TENM4: variants seen among roughly 807,000 people sequenced by gnomAD.
TENM4 encodes the protein teneurin-4.
In TENM4, 82 loss-of-function variants were observed where a neutral mutation model predicts 243.3. The ratio of observed to expected loss-of-function variants is 0.34; its 90% CI spans 0.28 to 0.40. The LOEUF (loss-of-function observed/expected upper bound fraction) is 0.40. Among genes scored for constraint, TENM4 ranks in the 10% least tolerant of loss-of-function variants. The pLI is 1.00. For missense variants in TENM4, 3,138 were observed against 3,673.3 expected (o/e 0.85, Z 3.77); for synonymous variants, 1,412 against 1,456.3 (o/e 0.97, Z 0.69).
intron 29 of TENM4, among the ~76,000 whole-genome samples, chr11:78,686,816 A>G (rs1858686946): frequency 1.3e-5 from 2 of 152,194 alleles, no homozygotes; most frequent in Admixed American, 1.3e-4. Flanking sequence ...AAGGAATTCC[A>G]GCGTGTGGTT....
chr11:78,716,892 T>C (rs1859533016), intron 25 of TENM4, among the ~76,000 whole-genome samples: 1 of 152,212 alleles, frequency 6.6e-6, no homozygotes, highest in Non-Finnish European at 1.5e-5. Flanking sequence ...CAGCAAGGCC[T>C]TAGAATACTC....
At chr11:78,893,821 C>T (rs561042465) in intron 7 of TENM4, among the ~76,000 whole-genome samples, 3 of 90,364 alleles carry the variant, frequency 3.3e-5, no homozygotes, top group African/African-American at 1.9e-4. Context: ...CTCTCTCTCT[C>T]TTTCTGATGA....
At chr11:78,794,291 C>T (rs563805015) in intron 15 of TENM4, among the ~76,000 whole-genome samples, 206 of 152,230 alleles carry the variant, frequency 1.4e-3, no homozygotes, top group African/African-American at 4.9e-3. Context: ...ATCAGAGGAA[C>T]GGGCATAGTG....
intron 4 of TENM4, among the ~76,000 whole-genome samples, chr11:79,140,047 C>T (rs964187121): frequency 1.3e-5 from 2 of 151,496 alleles, no homozygotes; most frequent in African/African-American, 4.8e-5. Flanking sequence ...ACTCTGGACA[C>T]TCCTTGTCAG....
intron 21 of TENM4, among the ~76,000 whole-genome samples, chr11:78,730,359 C>G (rs542896656): frequency 5.3e-5 from 8 of 152,302 alleles, no homozygotes; most frequent in South Asian, 2.1e-4. Flanking sequence ...TAAACAGACA[C>G]TACGAGATGT....
intron 27 of TENM4, among the ~76,000 whole-genome samples, chr11:78,707,648 C>T (rs1462929553): frequency 6.6e-6 from 1 of 152,268 alleles, no homozygotes; most frequent in Non-Finnish European, 1.5e-5. Context: ...TCTTGCCACT[C>T]AGCAAACCCC....
At chr11:79,002,409 A>C (rs990852630) in intron 6 of TENM4, among the ~76,000 whole-genome samples, 3 of 152,176 alleles carry the variant, frequency 2.0e-5, no homozygotes, top group Non-Finnish European at 4.4e-5. Context: ...CACCCATTGG[A>C]GTGTTGTGGC....
chr11:78,659,643 C>A (rs536909405), intron 33 of TENM4, among the ~76,000 whole-genome samples: 1 of 152,312 alleles, frequency 6.6e-6, no homozygotes, highest in South Asian at 2.1e-4. Context: ...TTAACCCTCC[C>A]ACCCTGCTTC....
intron 1 of TENM4, among the ~76,000 whole-genome samples, chr11:79,325,880 T>C (rs368824130): frequency 4.7e-4 from 72 of 152,288 alleles, no homozygotes; most frequent in African/African-American, 1.4e-3. Context: ...TAAGAGAGCA[T>C]GAAACACCAG....
chr11:78,995,949 G>C lies in TENM4; in HGVS notation c.493+68789C>G, dbSNP rs145492529. On this transcript the variant is annotated intron_variant, in intron 6 of 33. Coordinates refer to ENST00000278550, the MANE Select transcript of TENM4 (RefSeq NM_001098816.3). ...AAGACTCATAAGAGATCAGTGGAGT[G>C]GTTCCCATTGAGCCTAAACTGAGAT... Among the ~76,000 whole-genome samples, 906 of 152,006 alleles carry C rather than the reference G, an allele frequency of 6.0e-3. 15 individuals carry two copies. The highest frequency in any genetic ancestry group is 0.021 in the African/African-American group (864 of 41,296).
At chr11:79,129,985 C>G (rs1861968086) in intron 4 of TENM4, among the ~76,000 whole-genome samples, 1 of 152,142 alleles carries the variant, frequency 6.6e-6, no homozygotes, top group Non-Finnish European at 1.5e-5. Context: ...GAGTCCATTG[C>G]AACCCCCTGC....
chr11:78,930,889 C>T (rs188111862), intron 6 of TENM4, among the ~76,000 whole-genome samples: 27 of 152,238 alleles, frequency 1.8e-4, no homozygotes, highest in Non-Finnish European at 3.1e-4. Context: ...AGGAAGCTAT[C>T]GTTAAAAGGT....
chr11:78,704,477 T>C (rs1565340848), intron 27 of TENM4, among the ~76,000 whole-genome samples: 1 of 152,070 alleles, frequency 6.6e-6, no homozygotes, highest in Non-Finnish European at 1.5e-5. Flanking sequence ...TAAATAATAG[T>C]ACATTTAGTT....
intron 4 of TENM4, among the ~76,000 whole-genome samples, chr11:79,083,969 G>A (rs7937955): frequency 1.3e-5 from 2 of 151,268 alleles, no homozygotes; most frequent in African/African-American, 2.4e-5. Context: ...ATATATATAT[G>A]TGTGTGTGTG....
intron 23 of TENM4, 45 bp from the exon 24 acceptor site, chr11:78,722,962 G>A: frequency 6.2e-7 from 1 of 1,600,178 alleles, no homozygotes; most frequent in Non-Finnish European, 8.6e-7. Flanking sequence ...CAGGAAATGG[G>A]TATCTTTTCC....
intron 3 of TENM4, among the ~76,000 whole-genome samples, chr11:79,156,782 T>G (rs1287698892): frequency 1.3e-5 from 2 of 152,194 alleles, no homozygotes; most frequent in Admixed American, 1.3e-4. Context: ...ATCAATACAC[T>G]AATTAATCTA....
intron 2 of TENM4, among the ~76,000 whole-genome samples, chr11:79,282,139 A>C (rs973264734): frequency 3.3e-5 from 5 of 152,370 alleles, no homozygotes; most frequent in Middle Eastern, 3.4e-3. Flanking sequence ...CCCGCAAGGA[A>C]ACAAAAAAGA....
intron 1 of TENM4, among the ~76,000 whole-genome samples, chr11:79,416,105 T>C (rs578005498): frequency 2.0e-5 from 3 of 152,346 alleles, no homozygotes; most frequent in East Asian, 3.9e-4. Flanking sequence ...CATTCCATTT[T>C]ATGGATATAC....
intron 1 of TENM4, among the ~76,000 whole-genome samples, chr11:79,309,799 A>G (rs1424117675): frequency 3.3e-5 from 5 of 152,206 alleles, no homozygotes; most frequent in Non-Finnish European, 7.3e-5. Context: ...CTGATTTCTT[A>G]TAGCATCGGT....
Sources: gnomAD v4.1 joint callset for allele counts (sites outside exome capture counted in the v4.1 genomes callset) on GRCh38, gnomAD v4.1.1 for gene constraint, MANE v1.5 for transcripts, NCBI Gene and HGNC (gene_info 2026-07-23, HGNC 2026-07-21) for gene names.